Variants in ADPRM observed in about 807,000 individuals in gnomAD.
ADPRM encodes ADP-ribose/CDP-alcohol diphosphatase, manganese dependent.
A neutral mutation model predicts 27.2 loss-of-function variants in ADPRM; 17 were observed. The observed-to-expected ratio is 0.63, with a 90% CI of 0.43 to 0.94. The LOEUF (loss-of-function observed/expected upper bound fraction) is 0.94, where lower values mean the gene tolerates loss of function less well. Among genes scored for constraint, ADPRM ranks in the 40% least tolerant of loss-of-function variants. ADPRM has a pLI of 0.00. For missense variants in ADPRM, 337 were observed against 412.8 expected, an observed-to-expected ratio of 0.82 and a Z score of 1.59; for synonymous variants, 135 against 145.3, an observed-to-expected ratio of 0.93 and a Z score of 0.51.
chr17:10,710,845 A>G lies in ADPRM; in HGVS notation c.730A>G (p.Ile244Val), dbSNP rs1186635457. Reference protein sequence around the residue: ...EKVVIVSHLPIYPDASDNVCL... With the variant: ...EKVVIVSHLPVYPDASDNVCL... ...TCTTTAACTAACAGGCCATCTTCCC[A>G]TTTACCCGGACGCCTCTGACAATGT... The change falls in exon 4 of 4, where the codon ATT (isoleucine) becomes GTT (valine). Residue 244 changes from isoleucine to valine, a missense_variant. By Grantham distance (29) the Ile-to-Val change is conservative. Coordinates refer to ENST00000379774, the MANE Select transcript of ADPRM (RefSeq NM_020233.5). The G allele has an allele frequency of 1.7e-5, 28 of 1,613,698 alleles. No individual in the cohort carries two copies. Among genetic ancestry groups the G allele is most frequent in the Non-Finnish European group, 2.4e-5 (28 of 1,179,772 alleles).
Position 10,704,934 on chromosome 17 carries a change from A to G in ADPRM, c.8A>G (p.Asp3Gly). 3 of 1,593,814 alleles carry G rather than the reference A, an allele frequency of 1.9e-6. No homozygotes were observed. The highest frequency in any genetic ancestry group is 2.6e-6 in the Non-Finnish European group (3 of 1,172,216). Reference sequence around the variant, plus strand: ...GAAACCTGTTTGGAGGTTATGGATGATAAACCCAATCCTGAAGCCCTAAGT... The same window carrying G: ...GAAACCTGTTTGGAGGTTATGGATGGTAAACCCAATCCTGAAGCCCTAAGT... MDDKPNPEALSDS... is the reference protein window; with the variant it reads MDGKPNPEALSDS... The change falls in exon 2 of 4, where the codon GAT (aspartate) becomes GGT (glycine). Residue 3 changes from aspartate to glycine, a missense_variant. Transcript: ENST00000379774.
At chr17:10,709,050 A>G (rs1388681658) in intron 3 of ADPRM, among the ~76,000 whole-genome samples, 3 of 152,226 alleles carry the variant, frequency 2.0e-5, no homozygotes, top group Non-Finnish European at 4.4e-5. Context: ...TTTCTTTAGT[A>G]AAGTTTAAAA....
At chr17:10,698,536 T>G (rs2074751526) in intron 1 of ADPRM, among the ~76,000 whole-genome samples, 6 of 152,226 alleles carry the variant, frequency 3.9e-5, no homozygotes, top group Admixed American at 3.9e-4. Context: ...CAGATCCCGC[T>G]CCTGTGTGGC....
chr17:10,706,921 T>G (rs568376858), intron 3 of ADPRM, among the ~76,000 whole-genome samples: 3 of 152,206 alleles, frequency 2.0e-5, no homozygotes, highest in African/African-American at 7.2e-5. Flanking sequence ...CAATCACTTA[T>G]ATGCTTTGCT....
chr17:10,697,632 T>C lies in ADPRM; in HGVS notation c.-53T>C, dbSNP rs2074742263. 2.5e-6 allele frequency: 3 copies of C among 1,208,816 alleles called. No individual in the cohort carries two copies. The highest frequency in any genetic ancestry group is 3.6e-6 in the Non-Finnish European group (3 of 838,412). 74.9% of individuals were successfully genotyped at this position (1,208,816 alleles called of 1,614,324 possible). Reference sequence around the variant, plus strand: ...GTTGGTGGCGCTGTTACATAGCCCGTAGTCAGAGGCCTTTCAGCCCAGGGG... The same window carrying C: ...GTTGGTGGCGCTGTTACATAGCCCGCAGTCAGAGGCCTTTCAGCCCAGGGG... On this transcript the variant is annotated 5_prime_UTR_variant, in exon 1 of 4. Transcript: ENST00000379774.
chr17:10,700,744 G>A (rs2520158), intron 1 of ADPRM, among the ~76,000 whole-genome samples: 8,813 of 148,814 alleles, frequency 0.059, 855 homozygotes, highest in African/African-American at 0.2. Context: ...AGCTTGCGCA[G>A]TAGAGCCAGA....
chr17:10,706,072 G>A, intron 2 of ADPRM: 1 of 190,510 alleles, frequency 5.2e-6, no homozygotes, highest in Non-Finnish European at 1.1e-5. Context: ...GGAAAAACCT[G>A]CAAAGGCACT....
At chr17:10,707,870 C>T (rs1032463424) in intron 3 of ADPRM, among the ~76,000 whole-genome samples, 4 of 152,254 alleles carry the variant, frequency 2.6e-5, no homozygotes, top group African/African-American at 4.8e-5. Context: ...AACATACAAG[C>T]GTGTATGTGC....
intron 2 of ADPRM, 46 bp from the exon 3 acceptor site, chr17:10,706,392 A>G (rs778061923): frequency 1.5e-6 from 2 of 1,349,682 alleles, no homozygotes; most frequent in Non-Finnish European, 2.1e-6. Flanking sequence ...TGTCCAAATG[A>G]GGGGAAAAAT....
chr17:10,701,287 A>AT (rs577968521), intron 1 of ADPRM, among the ~76,000 whole-genome samples: 49 of 151,644 alleles, frequency 3.2e-4, no homozygotes, highest in African/African-American at 1.2e-3. Flanking sequence ...TCCAGATTTG[A>AT]TTTTCTCTAA....
chr17:10,709,417 T>C (rs1016990323), intron 3 of ADPRM, among the ~76,000 whole-genome samples: 1 of 152,106 alleles, frequency 6.6e-6, no homozygotes, highest in Admixed American at 6.5e-5. Context: ...GTGCATTCAG[T>C]ATAAATAGAG....
chr17:10,705,906 A>G lies in ADPRM; in HGVS notation c.601+379A>G. 1 of 268,950 alleles carries G rather than the reference A, an allele frequency of 3.7e-6. No individual in the cohort carries two copies. Among genetic ancestry groups the G allele is most frequent in the Non-Finnish European group, 7.1e-6 (1 of 139,886 alleles). The allele number at this position is 268,950 out of a possible 1,614,324, so 16.7% of individuals were successfully genotyped here. On this transcript the variant is annotated intron_variant, in intron 2 of 3. Transcript: ENST00000379774. This position sits in a 1 kb window ranked among gnomAD's most constrained non-coding sequence, Gnocchi z 5.4. Reference sequence around the variant, plus strand: ...AGTGCTGCCAAGGAAATAGAGTATGATGTTATAGAGTGTTACGGAAAAGGA... The same window carrying G: ...AGTGCTGCCAAGGAAATAGAGTATGGTGTTATAGAGTGTTACGGAAAAGGA...
intron 3 of ADPRM, among the ~76,000 whole-genome samples, chr17:10,707,534 C>A (rs2074820888): frequency 7.9e-6 from 1 of 126,236 alleles, no homozygotes; most frequent in Non-Finnish European, 1.6e-5. Context: ...GGGCTTGGAT[C>A]CTTTCCTCAA....
At chr17:10,709,918 G>A (rs1012762121) in intron 3 of ADPRM, among the ~76,000 whole-genome samples, 8 of 152,056 alleles carry the variant, frequency 5.3e-5, no homozygotes, top group Non-Finnish European at 7.4e-5. Context: ...CTACTTCCAC[G>A]TATCTCCTGT....
Position 10,711,057 on chromosome 17 carries a change from C to T in ADPRM, c.942C>T (p.Val314=). The change falls in exon 4 of 4, where the codon GTC becomes GTT. Residue 314 remains valine (V), a synonymous_variant. Coordinates refer to ENST00000379774, the MANE Select transcript of ADPRM (RefSeq NM_020233.5). The part of the protein sequence containing the change: ...PDSQAFGTVH[V]YPDKMMLKGR... Reference sequence around the variant, plus strand: ...GCCAAGCCTTTGGCACAGTTCATGTCTATCCTGACAAAATGATGTTGAAAG... The same window carrying T: ...GCCAAGCCTTTGGCACAGTTCATGTTTATCCTGACAAAATGATGTTGAAAG... 1 of 1,614,128 alleles carries T rather than the reference C, an allele frequency of 6.2e-7. No homozygotes were observed. Among genetic ancestry groups the T allele is most frequent in the South Asian group, 1.1e-5 (1 of 91,082 alleles).
At chr17:10,700,321 G>A (rs1597513570) in intron 1 of ADPRM, among the ~76,000 whole-genome samples, 1 of 152,168 alleles carries the variant, frequency 6.6e-6, no homozygotes, top group Non-Finnish European at 1.5e-5. Context: ...CCAATCTTAA[G>A]TATTGGAAAA....
chr17:10,711,299 T>G lies in ADPRM; in HGVS notation c.*155T>G. 1 of 683,562 alleles carries G rather than the reference T, an allele frequency of 1.5e-6. No homozygotes were observed. Among genetic ancestry groups the G allele is most frequent in the East Asian group, 2.8e-5 (1 of 36,244 alleles). The allele number at this position is 683,562 out of a possible 1,614,324, so 42.3% of individuals were successfully genotyped here. On this transcript the variant is annotated 3_prime_UTR_variant, in exon 4 of 4. Transcript: ENST00000379774. ...TGATGGTTGATAAAATACTCAGAAATGTTATTTTGGATCATGTATCCATTG... is the reference window on the plus strand; with the variant it reads ...TGATGGTTGATAAAATACTCAGAAAGGTTATTTTGGATCATGTATCCATTG...
chr17:10,708,229 G>A (rs1022407073), intron 3 of ADPRM, among the ~76,000 whole-genome samples: 3 of 151,946 alleles, frequency 2.0e-5, no homozygotes, highest in African/African-American at 7.3e-5. Flanking sequence ...AGGAGTTCGA[G>A]ACCAGCCTAG....
At chr17:10,703,504 T>C (rs2074792737) in intron 1 of ADPRM, among the ~76,000 whole-genome samples, 1 of 152,168 alleles carries the variant, frequency 6.6e-6, no homozygotes, top group South Asian at 2.1e-4. Context: ...TTAAAGAGTG[T>C]ATCATTAGTA....
Sources: gnomAD v4.1 joint callset for allele counts (sites outside exome capture counted in the v4.1 genomes callset) on GRCh38, gnomAD v4.1.1 for gene constraint, Gnocchi (gnomAD v3.1) non-coding constraint, MANE v1.5 for transcripts, NCBI Gene and HGNC (gene_info 2026-07-23, HGNC 2026-07-21) for gene names.